The following AGPAT5 variants were observed in gnomAD, a reference collection of about 807,000 sequenced individuals.
The protein encoded by AGPAT5 is 1-acyl-sn-glycerol-3-phosphate acyltransferase epsilon.
In AGPAT5, 46 loss-of-function variants were observed where a neutral mutation model predicts 45.6. The ratio of observed to expected loss-of-function variants is 1.01; its 90% CI spans 0.80 to 1.29. The LOEUF is 1.29. Ranked by LOEUF, AGPAT5 falls within the 50% of genes most tolerant of loss-of-function variation. The pLI is 0.00. For missense variants in AGPAT5, 673 were observed against 450.7 expected (o/e 1.49, Z -4.47); for synonymous variants, 272 against 167.0 (o/e 1.63, Z -4.85).
At chr8:6,718,615 G>C (rs1800407441) in intron 1 of AGPAT5, among the ~76,000 whole-genome samples, 1 of 152,158 alleles carries the variant, frequency 6.6e-6, no homozygotes, top group South Asian at 2.1e-4. Flanking sequence ...TGATTTACAG[G>C]CGGCTGATGA....
At chr8:6,741,553 T>C in intron 4 of AGPAT5, 108 bp from the exon 5 acceptor site, 1 of 676,422 alleles carries the variant, frequency 1.5e-6, no homozygotes, top group Non-Finnish European at 2.5e-6. Context: ...CATTTTCTCC[T>C]ACTGTAGGAA....
chr8:6,716,334 G>A (rs1461893668), intron 1 of AGPAT5, among the ~76,000 whole-genome samples: 1 of 151,998 alleles, frequency 6.6e-6, no homozygotes, highest in East Asian at 1.9e-4. Flanking sequence ...CAAGGAGGGT[G>A]GATCACTTGA....
rs772284270 is a variant in AGPAT5, at chr8:6,708,755, G to A, written c.87G>A (p.Val29=). ...TCCTGGGCACGGCGCCCACCTACGT[G>A]TTGGCCTGGGGGGTCTGGCGGCTGC... ...VVLLGTAPTY[V]LAWGVWRLLS... Residue 29 remains valine (V), a synonymous_variant, in exon 1 of 8, where the codon GTG becomes GTA. Coordinates refer to ENST00000285518, the MANE Select transcript of AGPAT5 (RefSeq NM_018361.5). The A allele has an allele frequency of 3.7e-6, 6 of 1,608,486 alleles. No individual in the cohort carries two copies. In the South Asian group the frequency reaches 5.5e-5, roughly 15 times the overall value.
chr8:6,725,120 A>C (rs548473539), intron 2 of AGPAT5, among the ~76,000 whole-genome samples, 181 bp downstream of exon 2: 4 of 152,190 alleles, frequency 2.6e-5, no homozygotes, highest in Non-Finnish European at 5.9e-5. Context: ...CTTGAAAGCT[A>C]TGAATTTTCC....
chr8:6,752,943 G>C (rs1361381067), intron 6 of AGPAT5, among the ~76,000 whole-genome samples: 9 of 152,186 alleles, frequency 5.9e-5, no homozygotes, highest in Non-Finnish European at 2.9e-5. Flanking sequence ...CCTGGGTCCT[G>C]AACCTTAGGG....
In AGPAT5 at chr8:6,708,707, C is replaced by G; in HGVS notation, c.39C>G (p.Arg13=). Residue 13 remains arginine (R), a synonymous_variant, in exon 1 of 8, where the codon CGC becomes CGG. Transcript: ENST00000285518. ...LSLVLHTYSM[R]YLLPSVVLLG... ...TGGTGCTCCACACGTACTCCATGCG[C>G]TACCTGCTGCCCAGCGTCGTGCTCC... 3 of 1,605,414 alleles carry G rather than the reference C, an allele frequency of 1.9e-6. No homozygotes were observed. The highest frequency in any genetic ancestry group is 8.5e-7 in the Non-Finnish European group (1 of 1,179,524).
At chr8:6,752,281 C>A (rs1287719520) in intron 6 of AGPAT5, among the ~76,000 whole-genome samples, 1 of 152,148 alleles carries the variant, frequency 6.6e-6, no homozygotes, top group Non-Finnish European at 1.5e-5. Flanking sequence ...GGATATTTTC[C>A]TTTAACAATT....
At chr8:6,751,812 TAGTTA>T (rs1199393320) in intron 6 of AGPAT5, among the ~76,000 whole-genome samples, 69 of 152,246 alleles carry the variant, frequency 4.5e-4, no homozygotes, top group Non-Finnish European at 5.9e-5. Context: ...TGTATGATCC[TAGTTA>T]AGTTTTTTCT....
At chr8:6,753,959 G>A (rs1801741396) in intron 6 of AGPAT5, among the ~76,000 whole-genome samples, 1 of 152,150 alleles carries the variant, frequency 6.6e-6, no homozygotes, top group Admixed American at 6.5e-5. Context: ...GGGGTTGAAG[G>A]AGCAAAGACA....
intron 4 of AGPAT5, among the ~76,000 whole-genome samples, chr8:6,733,866 G>T (rs1800949392): frequency 6.6e-6 from 1 of 152,198 alleles, no homozygotes; most frequent in Non-Finnish European, 1.5e-5. Flanking sequence ...GAAGATAGCT[G>T]CCTTTTGGGT....
chr8:6,752,108 C>A (rs1175904127), intron 6 of AGPAT5, among the ~76,000 whole-genome samples: 1 of 152,012 alleles, frequency 6.6e-6, no homozygotes, highest in Non-Finnish European at 1.5e-5. Flanking sequence ...ATCCGGGAGG[C>A]AGCAGTTGCA....
chr8:6,712,575 G>C (rs796523584), intron 1 of AGPAT5, among the ~76,000 whole-genome samples: 14 of 152,258 alleles, frequency 9.2e-5, no homozygotes, highest in African/African-American at 2.9e-4. Flanking sequence ...ATATATCCTT[G>C]AGCTGGAGTT....
chr8:6,723,021 C>G (rs969435684), intron 1 of AGPAT5, among the ~76,000 whole-genome samples: 1 of 152,122 alleles, frequency 6.6e-6, no homozygotes, highest in Non-Finnish European at 1.5e-5. Flanking sequence ...GTAGACGGAA[C>G]TAATGTGATT....
intron 2 of AGPAT5, among the ~76,000 whole-genome samples, chr8:6,725,229 C>T (rs1485556865): frequency 2.6e-5 from 4 of 152,096 alleles, no homozygotes; most frequent in Non-Finnish European, 5.9e-5. Flanking sequence ...TGTATTCATT[C>T]TTTTTGTAAG....
chr8:6,708,991 C>A, intron 1 of AGPAT5, 104 bp downstream of exon 1: 1 of 1,150,284 alleles, frequency 8.7e-7, no homozygotes, highest in Non-Finnish European at 1.3e-6. Flanking sequence ...GCCGGCCCGG[C>A]GGACCCAGCA....
intron 4 of AGPAT5, among the ~76,000 whole-genome samples, chr8:6,733,495 A>G (rs911731867): frequency 1.3e-5 from 2 of 152,158 alleles, no homozygotes; most frequent in African/African-American, 4.8e-5. Context: ...AGAACATTGC[A>G]TCTGTTTTGG....
In AGPAT5 at chr8:6,717,269, T is replaced by G. The variant is rs376281503; in HGVS notation, c.220-7601T>G. Reference sequence around the variant, plus strand: ...AAAACCCCAAATAAGAAAGTGTTACTTGAAGATTTTAGAGTACTTATTTGT... The same window carrying G: ...AAAACCCCAAATAAGAAAGTGTTACGTGAAGATTTTAGAGTACTTATTTGT... On this transcript the variant is annotated intron_variant, in intron 1 of 7. Coordinates refer to ENST00000285518, the MANE Select transcript of AGPAT5 (RefSeq NM_018361.5). 2.0e-3 allele frequency among the ~76,000 whole-genome samples: 306 copies of G among 152,342 alleles called. 11 individuals are homozygous for G. The South Asian group carries it at 0.06, about 30-fold the overall frequency.
intron 1 of AGPAT5, among the ~76,000 whole-genome samples, chr8:6,724,182 A>C (rs1274531669): frequency 2.0e-5 from 3 of 152,222 alleles, no homozygotes; most frequent in Non-Finnish European, 4.4e-5. Context: ...TTACAGAATA[A>C]AGTTTTAATC....
intron 1 of AGPAT5, among the ~76,000 whole-genome samples, chr8:6,712,637 T>G (rs77476277): frequency 0.016 from 2,453 of 152,174 alleles, 74 homozygotes; most frequent in East Asian, 0.12. Context: ...TGACAGAGGA[T>G]TGGGTAGGAC....
Sources: allele counts gnomAD v4.1 joint callset (sites outside exome capture counted in the v4.1 genomes callset), GRCh38; gene constraint gnomAD v4.1.1; transcripts MANE v1.5; gene names NCBI Gene and HGNC (gene_info 2026-07-23, HGNC 2026-07-21).